The following ELOVL7 variants were observed in gnomAD, a reference collection of about 807,000 sequenced individuals.
ELOVL7 encodes very long chain fatty acid elongase 7.
A neutral mutation model predicts 35.7 loss-of-function variants in ELOVL7; 27 were observed. The ratio of observed to expected loss-of-function variants is 0.76; its 90% CI spans 0.56 to 1.04. ELOVL7 has a LOEUF of 1.04. ELOVL7 is among the 50% of genes least tolerant of loss of function. ELOVL7 has a pLI of 0.00. For missense variants in ELOVL7, 327 were observed against 340.8 expected, an observed-to-expected ratio of 0.96 and a Z score of 0.32; for synonymous variants, 113 against 114.6, an observed-to-expected ratio of 0.99 and a Z score of 0.09.
intron 1 of ELOVL7, among the ~76,000 whole-genome samples, chr5:60,806,110 CA>C (rs1744910922): frequency 6.6e-6 from 1 of 152,108 alleles, no homozygotes; most frequent in Non-Finnish European, 1.5e-5. Context: ...GAAATTTAGA[CA>C]CAGACATGCA....
chr5:60,819,887 G>A (rs1423524697), intron 1 of ELOVL7, among the ~76,000 whole-genome samples: 1 of 152,128 alleles, frequency 6.6e-6, no homozygotes, highest in Non-Finnish European at 1.5e-5. Context: ...TCCCCTCCGC[G>A]CCTAATATGT....
At chr5:60,799,022 A>G (rs940776594) in intron 2 of ELOVL7, among the ~76,000 whole-genome samples, 158 bp downstream of exon 2, 5 of 152,212 alleles carry the variant, frequency 3.3e-5, no homozygotes, top group African/African-American at 1.2e-4. Context: ...TCTTGTCACA[A>G]TGGTGTGAAA....
intron 3 of ELOVL7, among the ~76,000 whole-genome samples, chr5:60,773,525 C>T (rs538481308): frequency 6.6e-6 from 1 of 152,034 alleles, no homozygotes; most frequent in South Asian, 2.1e-4. Context: ...TCAAATAAGC[C>T]TCCCTCAAAA....
intron 4 of ELOVL7, among the ~76,000 whole-genome samples, chr5:60,771,623 T>G (rs1217013891): frequency 1.3e-5 from 2 of 152,204 alleles, no homozygotes; most frequent in East Asian, 1.9e-4. Flanking sequence ...AAACTAAAAT[T>G]TATGGATTAA....
intron 1 of ELOVL7, among the ~76,000 whole-genome samples, chr5:60,821,240 C>T (rs144636627): frequency 5.3e-5 from 8 of 152,288 alleles, no homozygotes; most frequent in African/African-American, 1.2e-4. Flanking sequence ...TCTGTGGTGA[C>T]GCTTAGCACC....
chr5:60,793,496 C>T (rs755609375), intron 2 of ELOVL7, among the ~76,000 whole-genome samples: 1 of 152,130 alleles, frequency 6.6e-6, no homozygotes, highest in Non-Finnish European at 1.5e-5. Context: ...GTAGCATACA[C>T]AGAGCCCTGG....
intron 1 of ELOVL7, among the ~76,000 whole-genome samples, chr5:60,835,154 C>T (rs1007842300): frequency 3.1e-4 from 46 of 147,772 alleles, no homozygotes; most frequent in Middle Eastern, 3.5e-3. Context: ...CAAGCCACTG[C>T]ACTCCAGCCT....
chr5:60,842,638 C>T (rs1348689169), intron 1 of ELOVL7, among the ~76,000 whole-genome samples: 2 of 152,002 alleles, frequency 1.3e-5, no homozygotes, highest in African/African-American at 2.4e-5. Context: ...AAAATAAGGA[C>T]GAGCAAACGA....
At position 60,807,967 on chromosome 5, in the gene ELOVL7, C is replaced by T. The variant is rs1432327285; in HGVS notation, c.-85-8737G>A. Among the ~76,000 whole-genome samples the T allele has an allele frequency of 2.3e-5, 3 of 128,914 alleles. 1 individual carries two copies. Among genetic ancestry groups the T allele is most frequent in the Non-Finnish European group, 3.1e-5 (2 of 64,154 alleles). The allele number at this position is 128,914 out of a possible 152,430, so 84.6% of individuals were successfully genotyped here. ...TGAGCCGAGATCATGCCACTGCACT[C>T]CAGCCTGGGCGTGAGACTCCGTCTC... is the stretch of plus-strand genomic sequence containing the variant. On this transcript the variant is annotated intron_variant, in intron 1 of 8. Coordinates refer to ENST00000508821, the MANE Select transcript of ELOVL7 (RefSeq NM_024930.3).
chr5:60,825,773 A>C (rs1298101455), intron 1 of ELOVL7, among the ~76,000 whole-genome samples: 2 of 152,256 alleles, frequency 1.3e-5, no homozygotes, highest in Non-Finnish European at 2.9e-5. Flanking sequence ...GACAGAGCTG[A>C]AAGTATGGTT....
intron 6 of ELOVL7, among the ~76,000 whole-genome samples, chr5:60,765,666 G>C (rs1742192493): frequency 6.6e-6 from 1 of 152,144 alleles, no homozygotes; most frequent in East Asian, 1.9e-4. Context: ...GGTCGAGGCA[G>C]CTGTGTTTTA....
Position 60,769,318 on chromosome 5 carries a change from C to A in ELOVL7, c.256-1415G>T, listed in dbSNP as rs377249605. Among the ~76,000 whole-genome samples, 16 of 152,274 alleles carry A rather than the reference C, an allele frequency of 1.1e-4. No homozygotes were observed. In the South Asian group the frequency reaches 3.1e-3, roughly 30 times the overall value. ...TTTGACTAATGTAACGCTCTGTGGC[C>A]AGGAGCTATTTACTGGAATTGTGAT... On this transcript the variant is annotated intron_variant, in intron 4 of 8. Transcript: ENST00000508821.
Position 60,823,412 on chromosome 5 carries a change from A to T in ELOVL7, c.-86+20748T>A, listed in dbSNP as rs1319482201. On this transcript the variant is annotated intron_variant, in intron 1 of 8. Transcript: ENST00000508821. ...TTGCCTAATTGACCTGCCTGGATGC[A>T]GGGATAGACCATAAGCACCAGGAAG... 3.9e-5 allele frequency among the ~76,000 whole-genome samples: 6 copies of T among 152,180 alleles called. No homozygotes were observed. The East Asian group carries it at 9.6e-4, about 24-fold the overall frequency.
chr5:60,801,655 A>G (rs532916467), intron 1 of ELOVL7, among the ~76,000 whole-genome samples: 1 of 152,018 alleles, frequency 6.6e-6, no homozygotes, highest in Non-Finnish European at 1.5e-5. Context: ...GTGAGTCATG[A>G]TCGTGTCACT....
At chr5:60,818,483 T>G (rs527859597) in intron 1 of ELOVL7, among the ~76,000 whole-genome samples, 1 of 152,154 alleles carries the variant, frequency 6.6e-6, no homozygotes, top group Non-Finnish European at 1.5e-5. Flanking sequence ...CACTGGTTAC[T>G]TGAATAAAGT....
chr5:60,819,827 C>T (rs1232032904), intron 1 of ELOVL7, among the ~76,000 whole-genome samples: 1 of 152,028 alleles, frequency 6.6e-6, no homozygotes, highest in African/African-American at 2.4e-5. Context: ...GATCATAATG[C>T]CTACCTGACT....
intron 2 of ELOVL7, among the ~76,000 whole-genome samples, chr5:60,787,671 A>G (rs757505833): frequency 6.6e-6 from 1 of 152,200 alleles, no homozygotes; most frequent in Non-Finnish European, 1.5e-5. Context: ...CTAATATTCT[A>G]TGTACAAGAC....
intron 1 of ELOVL7, among the ~76,000 whole-genome samples, chr5:60,800,043 A>G (rs1355738989): frequency 1.3e-4 from 20 of 150,840 alleles, no homozygotes; most frequent in Non-Finnish European, 2.8e-4. Context: ...AAAAAAAAAA[A>G]AAAAAAAAAA....
intron 3 of ELOVL7, among the ~76,000 whole-genome samples, chr5:60,786,616 T>C (rs958709162): frequency 6.6e-6 from 1 of 152,146 alleles, no homozygotes; most frequent in Non-Finnish European, 1.5e-5. Flanking sequence ...CTGTTCACTC[T>C]GACAGGTTCC....
Sources: allele counts gnomAD v4.1 joint callset (sites outside exome capture counted in the v4.1 genomes callset), GRCh38; gene constraint gnomAD v4.1.1; transcripts MANE v1.5; gene names NCBI Gene and HGNC (gene_info 2026-07-23, HGNC 2026-07-21).